The following CCNY variants were observed in gnomAD, a reference collection of about 807,000 sequenced individuals.
CCNY encodes cyclin-Y.
CCNY carries 19 observed loss-of-function variants against 42.8 expected under a neutral mutation model. The ratio of observed to expected loss-of-function variants is 0.44; its 90% CI spans 0.31 to 0.65. The LOEUF (loss-of-function observed/expected upper bound fraction) is 0.65, where lower values mean the gene tolerates loss of function less well. Ranked by LOEUF, CCNY falls within the 30% of genes least tolerant of loss-of-function variation. CCNY has a pLI of 0.07. For missense variants in CCNY, 370 were observed against 437.3 expected (o/e 0.85, Z 1.37); for synonymous variants, 165 against 162.7 (o/e 1.01, Z -0.11).
intron 1 of CCNY, among the ~76,000 whole-genome samples, chr10:35,479,274 A>G (rs940778257): frequency 1.3e-5 from 2 of 151,976 alleles, no homozygotes; most frequent in African/African-American, 4.8e-5. Context: ...CCAAAGGATT[A>G]TAAATCATGC....
chr10:35,337,232 T>C, intron 1 of CCNY, 25 bp downstream of exon 1: 1 of 1,481,118 alleles, frequency 6.8e-7, no homozygotes, highest in Non-Finnish European at 9.0e-7. Context: ...CCGAGCCCCC[T>C]ACCCGCCCCC....
chr10:35,451,643 C>T (rs1838918665), intron 1 of CCNY, among the ~76,000 whole-genome samples: 1 of 152,182 alleles, frequency 6.6e-6, no homozygotes, highest in South Asian at 2.1e-4. Flanking sequence ...ACAGTGTTAC[C>T]AGGCGGGTTG....
intron 8 of CCNY, among the ~76,000 whole-genome samples, chr10:35,561,648 T>C (rs1841469100): frequency 6.6e-6 from 1 of 152,214 alleles, no homozygotes; most frequent in Non-Finnish European, 1.5e-5. Flanking sequence ...CCTGGCCTCC[T>C]GTGTCCCAGC....
chr10:35,510,327 G>T (rs1840300740), intron 3 of CCNY, among the ~76,000 whole-genome samples: 1 of 152,102 alleles, frequency 6.6e-6, no homozygotes, highest in South Asian at 2.1e-4. Context: ...CGATCTTCCT[G>T]CCTCAGCCTC....
intron 1 of CCNY, among the ~76,000 whole-genome samples, chr10:35,414,026 A>C (rs3003984): frequency 0.43 from 64,776 of 152,082 alleles, 14,781 homozygotes; most frequent in African/African-American, 0.59. Context: ...AAATAAAGAT[A>C]TGTTTTTTAA....
chr10:35,443,536 C>T (rs1838720523), intron 1 of CCNY, among the ~76,000 whole-genome samples: 1 of 152,216 alleles, frequency 6.6e-6, no homozygotes, highest in Non-Finnish European at 1.5e-5. Context: ...ACCAGCACCT[C>T]TGTCCCACTC....
intron 8 of CCNY, among the ~76,000 whole-genome samples, chr10:35,560,262 C>T (rs946200696): frequency 1.3e-5 from 2 of 152,126 alleles, no homozygotes; most frequent in Non-Finnish European, 1.5e-5. Context: ...TTCTGAAGGG[C>T]ACGAAGGCAG....
chr10:35,505,170 G>GA (rs1231853502), intron 3 of CCNY, among the ~76,000 whole-genome samples: 1 of 150,596 alleles, frequency 6.6e-6, no homozygotes. Context: ...AATCACTCCT[G>GA]AAACTCAGAA....
At chr10:35,469,204 C>T (rs551175403) in intron 1 of CCNY, among the ~76,000 whole-genome samples, 46 of 152,320 alleles carry the variant, frequency 3.0e-4, no homozygotes, top group African/African-American at 8.4e-4. Context: ...CTCTTTGATT[C>T]GGGCCTTAGG....
At chr10:35,378,661 G>A (rs541764863) in intron 1 of CCNY, among the ~76,000 whole-genome samples, 1 of 152,222 alleles carries the variant, frequency 6.6e-6, no homozygotes, top group African/African-American at 2.4e-5. Context: ...ACGTGCTGGG[G>A]GAGTTAGAAT....
intron 1 of CCNY, among the ~76,000 whole-genome samples, chr10:35,477,749 G>T (rs1046061156): frequency 3.3e-5 from 5 of 152,032 alleles, no homozygotes; most frequent in Admixed American, 2.0e-4. Context: ...GCCCTCTCTC[G>T]CCACTCCTAT....
intron 1 of CCNY, among the ~76,000 whole-genome samples, chr10:35,419,710 T>C (rs886209684): frequency 1.3e-5 from 2 of 152,132 alleles, no homozygotes; most frequent in African/African-American, 4.8e-5. Flanking sequence ...TACAGATTGA[T>C]TTTAACTGCT....
chr10:35,289,721 A>G (rs1329010313), intron 3 of CCNY, among the ~76,000 whole-genome samples: 1 of 151,788 alleles, frequency 6.6e-6, no homozygotes, highest in Non-Finnish European at 1.5e-5. Context: ...TAAAAATACA[A>G]ACATTAGCTG....
rs191912661 is a variant in CCNY at position 35,382,678 on chromosome 10, G to A, written c.154+45471G>A. Among the ~76,000 whole-genome samples, 698 of 152,210 alleles carry A rather than the reference G, an allele frequency of 4.6e-3. 2 individuals carry two copies. The highest frequency in any genetic ancestry group is 8.3e-3 in the South Asian group (40 of 4,820). Reference sequence around the variant, plus strand: ...AATTACCGGGCCCAGTTGTCCAGTAGTGCTGAGCTTGAGACACTGACTTAG... The same window carrying A: ...AATTACCGGGCCCAGTTGTCCAGTAATGCTGAGCTTGAGACACTGACTTAG... On this transcript the variant is annotated intron_variant, in intron 1 of 9. Transcript: ENST00000374704.
chr10:35,331,373 C>G (rs1184254557), intron 3 of CCNY, among the ~76,000 whole-genome samples: 1 of 152,168 alleles, frequency 6.6e-6, no homozygotes, highest in Non-Finnish European at 1.5e-5. Context: ...AGGTAGAGTT[C>G]GACAAGACAG....
At chr10:35,423,720 C>T (rs1838208455) in intron 1 of CCNY, among the ~76,000 whole-genome samples, 3 of 152,086 alleles carry the variant, frequency 2.0e-5, no homozygotes, top group Non-Finnish European at 4.4e-5. Flanking sequence ...TGCCTCAGTC[C>T]TGGGTTGCTG....
At position 35,258,884 on chromosome 10, in the gene CCNY, C is replaced by G. The variant is rs539276091; in HGVS notation, c.-9+8258C>G. Reference sequence around the variant, plus strand: ...CTGGGAGGCGGAGTTTGCAGTGAGCCGAGATCGAGCCACTGCACTCCAGCC... The same window carrying G: ...CTGGGAGGCGGAGTTTGCAGTGAGCGGAGATCGAGCCACTGCACTCCAGCC... On this transcript the variant is annotated intron_variant, in intron 3 of 11. Transcript: ENST00000374706. Among the ~76,000 whole-genome samples, 785 of 150,118 alleles carry G rather than the reference C, an allele frequency of 5.2e-3. 5 individuals are homozygous for G. Among genetic ancestry groups the G allele is most frequent in the African/African-American group, 0.019 (758 of 40,624 alleles).
chr10:35,523,544 T>A (rs1056447563), intron 4 of CCNY, among the ~76,000 whole-genome samples: 1 of 152,122 alleles, frequency 6.6e-6, no homozygotes, highest in Admixed American at 6.5e-5. Context: ...GGATATAACC[T>A]TGAGTGGAAA....
chr10:35,538,665 G>C (rs1156662851), intron 7 of CCNY, among the ~76,000 whole-genome samples: 1 of 152,192 alleles, frequency 6.6e-6, no homozygotes, highest in African/African-American at 2.4e-5. Context: ...TTGTCTTTTA[G>C]TTGTTGCATT....
Sources: gnomAD v4.1 joint callset for allele counts (sites outside exome capture counted in the v4.1 genomes callset) on GRCh38, gnomAD v4.1.1 for gene constraint, MANE v1.5 for transcripts, NCBI Gene and HGNC (gene_info 2026-07-23, HGNC 2026-07-21) for gene names.